Variants in AK5 observed in about 807,000 individuals in gnomAD.
AK5 encodes adenylate kinase 5, also known as adenylate kinase isoenzyme 5.
In AK5, 27 loss-of-function variants were observed where a neutral mutation model predicts 69.5. The ratio of observed to expected loss-of-function variants is 0.39; its 90% CI spans 0.29 to 0.54. AK5 has a LOEUF of 0.54. Among genes scored for constraint, AK5 ranks in the 20% least tolerant of loss-of-function variants. The pLI is 0.71. For synonymous variants in AK5, 260 were observed against 244.4 expected (o/e 1.06, Z -0.60); for missense variants, 531 against 700.4 (o/e 0.76, Z 2.73).
intron 6 of AK5, among the ~76,000 whole-genome samples, chr1:77,384,108 A>G (rs1647842694): frequency 6.6e-6 from 1 of 152,188 alleles, no homozygotes; most frequent in African/African-American, 2.4e-5. Flanking sequence ...ATGGGCACGA[A>G]CAGACATTAT....
chr1:77,549,814 G>A (rs1225966239), intron 13 of AK5, among the ~76,000 whole-genome samples: 3 of 151,904 alleles, frequency 2.0e-5, no homozygotes, highest in African/African-American at 7.3e-5. Context: ...CATCATGTAT[G>A]TGTACCACAT....
At chr1:77,397,408 G>A (rs753945976) in intron 6 of AK5, among the ~76,000 whole-genome samples, 18 of 152,120 alleles carry the variant, frequency 1.2e-4, no homozygotes, top group Non-Finnish European at 1.9e-4. Context: ...ACGTTGCCGT[G>A]TTTGACTGAA....
chr1:77,557,765 A>G (rs1344902226), intron 13 of AK5, among the ~76,000 whole-genome samples: 1 of 152,114 alleles, frequency 6.6e-6, no homozygotes, highest in Non-Finnish European at 1.5e-5. Flanking sequence ...TGTTTTACCT[A>G]AATAGGCACT....
At chr1:77,554,772 T>A (rs78567070) in intron 13 of AK5, among the ~76,000 whole-genome samples, 25 of 19,256 alleles carry the variant, frequency 1.3e-3, no homozygotes, top group Admixed American at 2.4e-3. Flanking sequence ...TGCCCGGCTA[T>A]TTTTTTTTTT....
intron 12 of AK5, among the ~76,000 whole-genome samples, chr1:77,525,900 G>T (rs546793131): frequency 6.6e-6 from 1 of 152,096 alleles, no homozygotes; most frequent in South Asian, 2.1e-4. Context: ...CAGCTTTGTT[G>T]TTCTTTTTGG....
At chr1:77,506,610 C>T (rs946685802) in intron 10 of AK5, among the ~76,000 whole-genome samples, 1 of 152,158 alleles carries the variant, frequency 6.6e-6, no homozygotes, top group South Asian at 2.1e-4. Flanking sequence ...TTTCACATCT[C>T]GCTGTGGCTA....
intron 10 of AK5, among the ~76,000 whole-genome samples, chr1:77,505,621 C>T (rs1031979747): frequency 6.6e-6 from 1 of 152,026 alleles, no homozygotes; most frequent in African/African-American, 2.4e-5. Context: ...AATCCCGGCA[C>T]TTTGAGAGAC....
intron 5 of AK5, among the ~76,000 whole-genome samples, chr1:77,339,546 T>G (rs1372334090): frequency 1.1e-4 from 16 of 152,176 alleles, no homozygotes; most frequent in Admixed American, 7.9e-4. Flanking sequence ...TTACTGACCA[T>G]GTGATCTCAG....
chr1:77,357,972 A>C (rs1253738348), intron 6 of AK5, among the ~76,000 whole-genome samples: 1 of 125,298 alleles, frequency 8.0e-6, no homozygotes, highest in Admixed American at 8.3e-5. Flanking sequence ...TTTTTAAAAC[A>C]TGTAATATTT....
intron 13 of AK5, among the ~76,000 whole-genome samples, chr1:77,540,337 C>T (rs1275232739): frequency 6.6e-6 from 1 of 152,200 alleles, no homozygotes; most frequent in Non-Finnish European, 1.5e-5. Flanking sequence ...CAGAGGTTTG[C>T]CCTGCATCTG....
At chr1:77,556,204 G>T (rs1481650475) in intron 13 of AK5, among the ~76,000 whole-genome samples, 1 of 152,180 alleles carries the variant, frequency 6.6e-6, no homozygotes, top group Non-Finnish European at 1.5e-5. Flanking sequence ...AGAAATAGAA[G>T]AGAGTTGCAG....
At chr1:77,350,686 G>T (rs1370116514) in intron 6 of AK5, among the ~76,000 whole-genome samples, 1 of 152,154 alleles carries the variant, frequency 6.6e-6, no homozygotes, top group East Asian at 1.9e-4. Flanking sequence ...TTCTCTAAGG[G>T]AAAATAGCAC....
chr1:77,532,558 C>A (rs747137056), intron 12 of AK5, among the ~76,000 whole-genome samples: 1 of 152,192 alleles, frequency 6.6e-6, no homozygotes, highest in Non-Finnish European at 1.5e-5. Flanking sequence ...CCTCTGAGGG[C>A]CTCCATTTCC....
At chr1:77,486,567 G>A (rs902577725) in intron 10 of AK5, among the ~76,000 whole-genome samples, 5 of 152,014 alleles carry the variant, frequency 3.3e-5, no homozygotes, top group East Asian at 1.9e-4. Context: ...GCATGGTGGC[G>A]GGCGCCTGTA....
chr1:77,335,930 T>C (rs1463890176), intron 5 of AK5, among the ~76,000 whole-genome samples: 1 of 152,182 alleles, frequency 6.6e-6, no homozygotes, highest in African/African-American at 2.4e-5. Context: ...AGCGGTCTTT[T>C]CTCTGTGCAC....
intron 8 of AK5, among the ~76,000 whole-genome samples, chr1:77,420,761 T>C (rs191142759): frequency 6.6e-6 from 1 of 151,440 alleles, no homozygotes; most frequent in African/African-American, 2.4e-5. Flanking sequence ...CTTTTGCCAA[T>C]TCCAGTTAAC....
At chr1:77,425,531 G>A (rs887609254) in intron 8 of AK5, among the ~76,000 whole-genome samples, 1 of 152,084 alleles carries the variant, frequency 6.6e-6, no homozygotes, top group African/African-American at 2.4e-5. Flanking sequence ...AGGTTGCAGT[G>A]AGCCAAGATC....
intron 7 of AK5, among the ~76,000 whole-genome samples, chr1:77,411,847 A>G (rs1370527518): frequency 6.6e-6 from 1 of 152,254 alleles, no homozygotes; most frequent in Non-Finnish European, 1.5e-5. Flanking sequence ...AAAGAAAGAC[A>G]GAATTACAAG....
At chr1:77,285,659 T>C (rs1658307647) in intron 1 of AK5, among the ~76,000 whole-genome samples, 1 of 152,204 alleles carries the variant, frequency 6.6e-6, no homozygotes, top group Non-Finnish European at 1.5e-5. Context: ...GTAGCATTTT[T>C]AGAATCTAGT....
Sources: allele counts gnomAD v4.1 joint callset (sites outside exome capture counted in the v4.1 genomes callset), GRCh38; gene constraint gnomAD v4.1.1; transcripts MANE v1.5; gene names NCBI Gene and HGNC (gene_info 2026-07-23, HGNC 2026-07-21).